LRBA: variants seen among roughly 807,000 people sequenced by gnomAD.
The protein encoded by LRBA is lipopolysaccharide-responsive and beige-like anchor protein.
LRBA carries 176 observed loss-of-function variants against 330.0 expected under a neutral mutation model. The ratio of observed to expected loss-of-function variants is 0.53; its 90% CI spans 0.47 to 0.60. The LOEUF (loss-of-function observed/expected upper bound fraction) is 0.60. LRBA is among the 20% of genes least tolerant of loss of function. LRBA has a pLI of 0.00. For missense variants in LRBA, 3,259 were observed against 3,444.8 expected, an observed-to-expected ratio of 0.95 and a Z score of 1.35; for synonymous variants, 1,230 against 1,193.0, an observed-to-expected ratio of 1.03 and a Z score of -0.64.
chr4:150,464,014 A>G (rs2152055457), intron 44 of LRBA, among the ~76,000 whole-genome samples: 1 of 151,446 alleles, frequency 6.6e-6, no homozygotes, highest in South Asian at 2.1e-4. Context: ...ATCCTCAAAA[A>G]AAAAAAAATA....
At chr4:150,957,968 C>T (rs1157266952) in intron 2 of LRBA, among the ~76,000 whole-genome samples, 3 of 149,352 alleles carry the variant, frequency 2.0e-5, no homozygotes, top group Non-Finnish European at 4.4e-5. Flanking sequence ...CTCCTTGCTG[C>T]TTTCACGGCT....
intron 37 of LRBA, among the ~76,000 whole-genome samples, chr4:150,648,707 G>A (rs146747755): frequency 7.2e-4 from 110 of 152,150 alleles, no homozygotes; most frequent in Non-Finnish European, 1.1e-3. Flanking sequence ...TTTAGAAAAC[G>A]TTGGCAATAC....
chr4:150,551,817 G>T (rs1766634178), intron 40 of LRBA, among the ~76,000 whole-genome samples: 2 of 152,066 alleles, frequency 1.3e-5, no homozygotes, highest in Admixed American at 6.5e-5. Flanking sequence ...ATATGTATGT[G>T]TATATATATT....
intron 49 of LRBA, among the ~76,000 whole-genome samples, chr4:150,323,884 C>T (rs1383380473): frequency 6.6e-6 from 1 of 152,174 alleles, no homozygotes; most frequent in Non-Finnish European, 1.5e-5. Context: ...CTCTGTGAGC[C>T]AAGGCTGGGG....
intron 22 of LRBA, among the ~76,000 whole-genome samples, chr4:150,864,797 C>G (rs1402042115): frequency 6.6e-6 from 1 of 152,002 alleles, no homozygotes; most frequent in Non-Finnish European, 1.5e-5. Context: ...CAGGCATGCA[C>G]CACCGTGCCC....
intron 47 of LRBA, among the ~76,000 whole-genome samples, chr4:150,351,484 T>C (rs189447041): frequency 0.011 from 1,640 of 152,128 alleles, 23 homozygotes; most frequent in African/African-American, 0.038. Flanking sequence ...GGTCAGGAGA[T>C]CGAGACCATC....
At chr4:150,824,173 C>T (rs368232876) in intron 30 of LRBA, among the ~76,000 whole-genome samples, 13 of 152,038 alleles carry the variant, frequency 8.6e-5, no homozygotes, top group African/African-American at 3.1e-4. Flanking sequence ...AGGTATTTTA[C>T]TTATAGCTAT....
intron 26 of LRBA, among the ~76,000 whole-genome samples, chr4:150,845,607 T>G (rs1415478795): frequency 1.3e-5 from 2 of 152,046 alleles, no homozygotes; most frequent in Non-Finnish European, 2.9e-5. Flanking sequence ...AGGAACAAAA[T>G]AGCAAACTTA....
intron 2 of LRBA, among the ~76,000 whole-genome samples, chr4:150,953,561 C>T (rs557571313): frequency 5.3e-5 from 8 of 151,420 alleles, no homozygotes; most frequent in Admixed American, 2.0e-4. Flanking sequence ...GACAGGGTTT[C>T]GCCGTGTTGG....
intron 44 of LRBA, among the ~76,000 whole-genome samples, chr4:150,466,839 T>C (rs1013454041): frequency 6.6e-6 from 1 of 152,144 alleles, no homozygotes; most frequent in African/African-American, 2.4e-5. Flanking sequence ...ATGTATTTCA[T>C]CCTAATTTTT....
chr4:150,343,112 C>G (rs1257205311), intron 48 of LRBA, among the ~76,000 whole-genome samples: 1 of 152,114 alleles, frequency 6.6e-6, no homozygotes, highest in Non-Finnish European at 1.5e-5. Context: ...TGACATGAAG[C>G]CTGTGACAAG....
intron 40 of LRBA, among the ~76,000 whole-genome samples, chr4:150,587,699 A>C (rs1246623474): frequency 1.3e-5 from 2 of 152,168 alleles, no homozygotes; most frequent in Admixed American, 6.5e-5. Flanking sequence ...TAAAGGCTAA[A>C]CAAAATAATT....
chr4:151,008,668 T>C (rs1744411222), intron 2 of LRBA, among the ~76,000 whole-genome samples: 1 of 151,568 alleles, frequency 6.6e-6, no homozygotes, highest in South Asian at 2.1e-4. Context: ...CATATCTCAA[T>C]GAAGGTTTAA....
At chr4:150,948,427 T>C (rs1334847989) in intron 2 of LRBA, among the ~76,000 whole-genome samples, 1 of 152,018 alleles carries the variant, frequency 6.6e-6, no homozygotes, top group Non-Finnish European at 1.5e-5. Flanking sequence ...CAAATGAACT[T>C]TTCTTTACCT....
chr4:150,367,142 A>AT (rs1561074479), intron 47 of LRBA, among the ~76,000 whole-genome samples: 1 of 152,202 alleles, frequency 6.6e-6, no homozygotes, highest in Non-Finnish European at 1.5e-5. Context: ...GCTAATTAAA[A>AT]TTTTTTAAAT....
chr4:150,991,924 G>A lies in LRBA; in HGVS notation c.216+22503C>T, dbSNP rs769951535. Among the ~76,000 whole-genome samples the A allele has an allele frequency of 1.1e-3, 161 of 152,308 alleles. 1 individual carries two copies. Among genetic ancestry groups the A allele is most frequent in the Non-Finnish European group, 1.7e-3 (116 of 68,024 alleles). ...TTGAACAAGGTAAATGCTATAGTAA[G>A]TTATGAACAAAGTTCTGTGGTAGAA... is the stretch of plus-strand genomic sequence containing the variant. On this transcript the variant is annotated intron_variant, in intron 2 of 56. Transcript: ENST00000651943.
chr4:150,852,498 T>C lies in LRBA; in HGVS notation c.3212A>G (p.Asp1071Gly). ...SSNSFITTGK[D>G]SMTVSEVTAS... ...AGTTACTTCACTGACAGTCATTGAA[T>C]CTTTGCCAGTTGTTATAAAAGAATT... Residue 1071 changes from aspartate (D) to glycine (G), a missense_variant, in exon 23 of 57, where the codon GAT becomes GGT. Physicochemically the swap from Asp to Gly is moderately conservative, Grantham distance 94. Transcript: ENST00000651943. The C allele has an allele frequency of 1.2e-6, 2 of 1,613,800 alleles. No homozygotes were observed. The highest frequency in any genetic ancestry group is 1.7e-6 in the Non-Finnish European group (2 of 1,179,950).
Position 150,852,272 on chromosome 4 carries a change from G to A in LRBA, c.3438C>T (p.Asp1146=). The change falls in exon 23 of 57, where the codon GAC becomes GAT. Residue 1146 remains aspartate (D), a synonymous_variant. Transcript: ENST00000651943. ...TTAATTTGTCATCATTACCAAACAT[G>A]TCCAGTTTTTCACCGGCTTCAGATG... ...PAASEAGEKL[D]MFGNDDKLIF... The A allele has an allele frequency of 1.2e-6, 2 of 1,614,086 alleles. No individual in the cohort carries two copies. Among genetic ancestry groups the A allele is most frequent in the Non-Finnish European group, 1.7e-6 (2 of 1,180,000 alleles).
At chr4:150,563,563 G>A (rs182537661) in intron 40 of LRBA, among the ~76,000 whole-genome samples, 5 of 152,228 alleles carry the variant, frequency 3.3e-5, no homozygotes, top group South Asian at 4.1e-4. Context: ...GAAATAAAGC[G>A]TATTCGAATA....
Sources: gnomAD v4.1 joint callset for allele counts (sites outside exome capture counted in the v4.1 genomes callset) on GRCh38, gnomAD v4.1.1 for gene constraint, MANE v1.5 for transcripts, NCBI Gene and HGNC (gene_info 2026-07-23, HGNC 2026-07-21) for gene names.